CNIH2: variants seen among roughly 807,000 people sequenced by gnomAD.
CNIH2 encodes the protein protein cornichon homolog 2.
CNIH2 carries 8 observed loss-of-function variants against 22.9 expected under a neutral mutation model. That is an observed-to-expected ratio of 0.35 (90% CI 0.20 to 0.63). The LOEUF (loss-of-function observed/expected upper bound fraction) is 0.63, where lower values mean the gene tolerates loss of function less well. CNIH2 is among the 30% of genes least tolerant of loss of function. CNIH2 has a pLI of 0.72. For missense variants in CNIH2, 105 were observed against 206.2 expected, an observed-to-expected ratio of 0.51 and a Z score of 3.01; for synonymous variants, 74 against 78.2, an observed-to-expected ratio of 0.95 and a Z score of 0.28.
chr11:66,280,185 G>A (rs1459695378), intron 1 of CNIH2, among the ~76,000 whole-genome samples: 4 of 152,216 alleles, frequency 2.6e-5, no homozygotes, highest in African/African-American at 9.7e-5. Context: ...GTGGCTTTGA[G>A]GGGGTCAAGG....
intron 1 of CNIH2, 25 bp downstream of exon 1, chr11:66,278,562 TG>T: frequency 1.7e-5 from 3 of 181,648 alleles, no homozygotes; most frequent in East Asian, 1.4e-4. Context: ...GGGCTGGGGC[TG>T]GGGGCGGGGT....
intron 2 of CNIH2, 30 bp from the exon 3 acceptor site, chr11:66,282,703 C>T (rs376274140): frequency 1.2e-6 from 2 of 1,613,268 alleles, no homozygotes; most frequent in African/African-American, 1.3e-5. Flanking sequence ...TCTCCGCCAC[C>T]CCATCGCGGC....
rs556964352 is a variant in CNIH2 at position 66,278,385 on chromosome 11, G to A, written c.-72G>A. ...GCCATGCCCGGCCGGCCCTAAGCGCGGGCCGGGGGGCGTCCCCTTGCGCCC... is the reference window on the plus strand; with the variant it reads ...GCCATGCCCGGCCGGCCCTAAGCGCAGGCCGGGGGGCGTCCCCTTGCGCCC... On this transcript the variant is annotated 5_prime_UTR_variant, in exon 1 of 6. Transcript: ENST00000311445. 7.5e-5 allele frequency: 42 copies of A among 557,044 alleles called. No individual in the cohort carries two copies. The highest frequency in any genetic ancestry group is 9.4e-5 in the Non-Finnish European group (41 of 436,596). The allele number at this position is 557,044 out of a possible 1,614,324, so 34.5% of individuals were successfully genotyped here.
chr11:66,282,648 C>A, intron 2 of CNIH2, 85 bp from the exon 3 acceptor site: 2 of 1,500,490 alleles, frequency 1.3e-6, no homozygotes, highest in Non-Finnish European at 1.8e-6. Flanking sequence ...CTGGCGCCCC[C>A]TGGCGGCCAC....
At chr11:66,282,429 G>GGGGGGGGGGGGGGGGGGGGCC in intron 2 of CNIH2, 102 bp downstream of exon 2, 10 of 479,438 alleles carry the variant, frequency 2.1e-5, no homozygotes, top group Middle Eastern at 5.9e-4. Flanking sequence ...GGGGTGGGGG[G>GGGGGGGGGGGGGGGGGGGGCC]CCTACGGCCA....
At position 66,283,761 on chromosome 11, in the gene CNIH2, C is replaced by T. The variant is rs1857302066; in HGVS notation, c.*164C>T. On this transcript the variant is annotated 3_prime_UTR_variant, in exon 6 of 6. Coordinates refer to ENST00000311445, the MANE Select transcript of CNIH2 (RefSeq NM_182553.3). ...CTGCTGCGGGGAACCCCCCCCACCC[C>T]GCCTTCAGAGCCCTCCCCCTTGGAC... is the stretch of plus-strand genomic sequence containing the variant. 10 of 705,104 alleles carry T rather than the reference C, an allele frequency of 1.4e-5. No homozygotes were observed. The highest frequency in any genetic ancestry group is 4.1e-4 in the Middle Eastern group (1 of 2,466). The allele number at this position is 705,104 out of a possible 1,614,324, so 43.7% of individuals were successfully genotyped here.
rs948829504 is a variant in CNIH2, at chr11:66,283,792, C to T, written c.*195C>T. 3.2e-5 allele frequency: 19 copies of T among 602,476 alleles called. No homozygotes were observed. Among genetic ancestry groups the T allele is most frequent in the Admixed American group, 1.2e-4 (4 of 33,402 alleles). The allele number at this position is 602,476 out of a possible 1,614,324, so 37.3% of individuals were successfully genotyped here. A position where few individuals can be genotyped will look rare whatever the true frequency, so the allele number is the denominator to read the frequency against. ...CAGAGCCCTCCCCCTTGGACTAGAG[C>T]GGCTGGGCAGAGCTCTAAACAGGGG... On this transcript the variant is annotated 3_prime_UTR_variant, in exon 6 of 6. Coordinates refer to ENST00000311445, the MANE Select transcript of CNIH2 (RefSeq NM_182553.3).
chr11:66,283,394 G>A lies in CNIH2; in HGVS notation c.455+3G>A, dbSNP rs1857292948. 3.7e-6 allele frequency: 6 copies of A among 1,614,000 alleles called. No homozygotes were observed. Among genetic ancestry groups the A allele is most frequent in the Non-Finnish European group, 5.1e-6 (6 of 1,179,904 alleles). The stretch of plus-strand genomic sequence containing the variant: ...TCCTTCTTCTATTACCTGTACAGGT[G>A]AGGCCTTGCCCACAGCAGTCAGAAC... On this transcript the variant is annotated splice_donor_region_variant and intron_variant, in intron 5 of 5. Transcript: ENST00000311445.
At chr11:66,280,661 CTGG>C (rs1308829167) in intron 1 of CNIH2, among the ~76,000 whole-genome samples, 1 of 152,180 alleles carries the variant, frequency 6.6e-6, no homozygotes, top group Non-Finnish European at 1.5e-5. Context: ...CCGCCGCCTG[CTGG>C]TGGTGCCAGC....
intron 2 of CNIH2, 95 bp downstream of exon 2, chr11:66,282,422 G>GC: frequency 9.8e-7 from 1 of 1,023,442 alleles, no homozygotes; most frequent in Non-Finnish European, 1.5e-6. Flanking sequence ...CGGGGGTGGG[G>GC]TGGGGGGCCT....
intron 1 of CNIH2, 144 bp downstream of exon 1, chr11:66,278,681 A>T: frequency 2.2e-6 from 1 of 448,176 alleles, no homozygotes; most frequent in Non-Finnish European, 3.5e-6. Flanking sequence ...CGCCCCCATT[A>T]ACACCCCCCG....
chr11:66,281,293 G>C, intron 1 of CNIH2: 1 of 440,794 alleles, frequency 2.3e-6, no homozygotes, highest in Non-Finnish European at 4.6e-6. Flanking sequence ...CCAGCCGTGT[G>C]GCCCTGGACA....
At chr11:66,281,897 G>A (rs1441209501) in intron 1 of CNIH2, among the ~76,000 whole-genome samples, 3 of 152,118 alleles carry the variant, frequency 2.0e-5, no homozygotes, top group Non-Finnish European at 2.9e-5. Flanking sequence ...GGAAGGCAGA[G>A]TGATCATCCC....
At chr11:66,281,365 C>T (rs1476794852) in intron 1 of CNIH2, 1 of 456,094 alleles carries the variant, frequency 2.2e-6, no homozygotes, top group East Asian at 6.9e-5. Context: ...AAACTAGTAC[C>T]TAAGTCATAA....
rs1051326060 is a variant in CNIH2 at position 66,282,528 on chromosome 11, C to A, written c.150+201C>A. The A allele has an allele frequency of 1.8e-5, 15 of 854,754 alleles. No homozygotes were observed. In the South Asian group the frequency reaches 2.3e-4, roughly 13 times the overall value. 52.9% of individuals were successfully genotyped at this position (854,754 alleles called of 1,614,324 possible). Reference sequence around the variant, plus strand: ...TCTTGGCGGGGCGGTGGTTGCCAGGCTCTGGGCCGTTGCCATGGAGACGCG... The same window carrying A: ...TCTTGGCGGGGCGGTGGTTGCCAGGATCTGGGCCGTTGCCATGGAGACGCG... On this transcript the variant is annotated intron_variant, in intron 2 of 5. Transcript: ENST00000311445.
In CNIH2 at chr11:66,283,256, A is replaced by G; in HGVS notation, c.320A>G (p.His107Arg). Reference sequence around the variant, plus strand: ...GCCCCTGTCTGCCCCAGGTACTTCCACCGTCCTGCAGATGGCTCTGAGGTC... The same window carrying G: ...GCCCCTGTCTGCCCCAGGTACTTCCGCCGTCCTGCAGATGGCTCTGAGGTC... ...LLFYHLWRYF[H>R]RPADGSEVMY... Residue 107 changes from histidine to arginine, a missense_variant, in exon 5 of 6, where the codon CAC becomes CGC. His to Arg is a conservative substitution (Grantham distance 29). Coordinates refer to ENST00000311445, the MANE Select transcript of CNIH2 (RefSeq NM_182553.3). The G allele has an allele frequency of 6.2e-7, 1 of 1,613,898 alleles. No homozygotes were observed. Among genetic ancestry groups the G allele is most frequent in the Non-Finnish European group, 8.5e-7 (1 of 1,179,968 alleles).
At position 66,283,645 on chromosome 11, in the gene CNIH2, G is replaced by A. The variant is rs1857299406; in HGVS notation, c.*48G>A. 3 of 1,550,236 alleles carry A rather than the reference G, an allele frequency of 1.9e-6. No individual in the cohort carries two copies. The highest frequency in any genetic ancestry group is 1.4e-5 in the African/African-American group (1 of 73,170). ...AGCCCAGAACGGACCGGACGCCTGT[G>A]CACCCCCAGCCCTGCCCCTTGGCCG... On this transcript the variant is annotated 3_prime_UTR_variant, in exon 6 of 6. Coordinates refer to ENST00000311445, the MANE Select transcript of CNIH2 (RefSeq NM_182553.3).
At position 66,278,412 on chromosome 11, in the gene CNIH2, GGCCCCGCGCTGGCGCCCCCCGGGCCGCC is replaced by G; in HGVS notation, c.-40_-13del. ...GCCGGGGGGCGTCCCCTTGCGCCCG[GGCCCCGCGCTGGCGCCCCCCGGGCCGCC>G]GCCCGGCGCGGGGGCCATGGCGTTC... is the stretch of plus-strand genomic sequence containing the variant. On this transcript the variant is annotated 5_prime_UTR_variant, in exon 1 of 6. Coordinates refer to ENST00000311445, the MANE Select transcript of CNIH2 (RefSeq NM_182553.3). The G allele has an allele frequency of 1.0e-6, 1 of 957,150 alleles. No homozygotes were observed. The allele number at this position is 957,150 out of a possible 1,614,324, so 59.3% of individuals were successfully genotyped here. A position where few individuals can be genotyped will look rare whatever the true frequency, so the allele number is the denominator to read the frequency against.
chr11:66,282,492 G>A (rs1237377416), intron 2 of CNIH2, 165 bp downstream of exon 2: 4 of 957,878 alleles, frequency 4.2e-6, no homozygotes, highest in Non-Finnish European at 6.4e-6. Flanking sequence ...GCGGGCTCAG[G>A]GCTGAGTTCC....
Sources: allele counts gnomAD v4.1 joint callset (sites outside exome capture counted in the v4.1 genomes callset), GRCh38; gene constraint gnomAD v4.1.1; transcripts MANE v1.5; gene names NCBI Gene and HGNC (gene_info 2026-07-23, HGNC 2026-07-21).